Variants in HACD2 observed in about 807,000 individuals in gnomAD.
HACD2 encodes very-long-chain (3R)-3-hydroxyacyl-CoA dehydratase 2.
A neutral mutation model predicts 31.0 loss-of-function variants in HACD2; 15 were observed. That is an observed-to-expected ratio of 0.48 (90% CI 0.32 to 0.75). The LOEUF (loss-of-function observed/expected upper bound fraction) is 0.75, where lower values mean the gene tolerates loss of function less well. Ranked by LOEUF, HACD2 falls within the 30% of genes least tolerant of loss-of-function variation. The probability of loss-of-function intolerance (pLI) is 0.03; values close to 1 mark genes in which losing one functional copy is unlikely to be tolerated. For synonymous variants in HACD2, 115 were observed against 122.2 expected (o/e 0.94, Z 0.39); for missense variants, 283 against 313.0 (o/e 0.90, Z 0.72).
At chr3:123,558,753 T>C (rs2056697476) in intron 3 of HACD2, among the ~76,000 whole-genome samples, 2 of 152,208 alleles carry the variant, frequency 1.3e-5, no homozygotes, top group Admixed American at 1.3e-4. Context: ...GAAGCATAAA[T>C]CAAATTATTC....
chr3:123,560,801 G>A (rs1391273470), intron 3 of HACD2, among the ~76,000 whole-genome samples: 1 of 152,066 alleles, frequency 6.6e-6, no homozygotes, highest in East Asian at 1.9e-4. Flanking sequence ...TTACAATTTG[G>A]TAAGGTTCAT....
intron 2 of HACD2, among the ~76,000 whole-genome samples, chr3:123,576,692 T>A (rs1576244847): frequency 6.6e-6 from 1 of 152,122 alleles, no homozygotes; most frequent in Non-Finnish European, 1.5e-5. Context: ...AGGAAAAATA[T>A]AACAGACAAC....
intron 3 of HACD2, among the ~76,000 whole-genome samples, chr3:123,534,029 A>T (rs201700448): frequency 6.7e-6 from 1 of 149,858 alleles, no homozygotes; most frequent in Non-Finnish European, 1.5e-5. Flanking sequence ...AACATAGTGG[A>T]GTGTGTGTGT....
At chr3:123,567,594 CTA>C (rs1360842466) in intron 3 of HACD2, among the ~76,000 whole-genome samples, 166 bp downstream of exon 3, 1 of 152,166 alleles carries the variant, frequency 6.6e-6, no homozygotes, top group Non-Finnish European at 1.5e-5. Context: ...TAAATAGTAC[CTA>C]TGATTTCAGA....
At chr3:123,500,736 CT>C in intron 5 of HACD2, 43 bp from the exon 6 acceptor site, 4 of 1,405,364 alleles carry the variant, frequency 2.8e-6, no homozygotes, top group Non-Finnish European at 3.9e-6. Context: ...TCAAAGTCAG[CT>C]TTAGAAGGAA....
At chr3:123,538,957 A>G (rs758837497) in intron 3 of HACD2, among the ~76,000 whole-genome samples, 25 of 152,244 alleles carry the variant, frequency 1.6e-4, no homozygotes, top group Admixed American at 2.0e-4. Flanking sequence ...AGCTGATACT[A>G]AGTTGCACTG....
At chr3:123,578,339 T>C (rs1559937601) in intron 2 of HACD2, among the ~76,000 whole-genome samples, 1 of 152,200 alleles carries the variant, frequency 6.6e-6, no homozygotes, top group African/African-American at 2.4e-5. Context: ...GGCACGATCA[T>C]GGCTCACTGT....
chr3:123,551,386 A>G (rs2056618436), intron 3 of HACD2, among the ~76,000 whole-genome samples: 1 of 152,122 alleles, frequency 6.6e-6, no homozygotes, highest in African/African-American at 2.4e-5. Context: ...TGGGAGGCCA[A>G]GGTGGGTGGA....
chr3:123,501,197 A>G (rs971427038), intron 5 of HACD2, among the ~76,000 whole-genome samples: 8 of 152,248 alleles, frequency 5.3e-5, no homozygotes, highest in Non-Finnish European at 1.0e-4. Flanking sequence ...TGTACATGCT[A>G]TTGTGAAAAA....
At chr3:123,502,802 C>T in intron 4 of HACD2, 121 bp from the exon 5 acceptor site, 1 of 978,354 alleles carries the variant, frequency 1.0e-6, no homozygotes, top group Admixed American at 2.6e-5. Context: ...TCTTCAGGAC[C>T]CCTGTATGGC....
intron 6 of HACD2, chr3:123,499,661 C>T (rs1167373077): frequency 8.8e-6 from 4 of 454,686 alleles, no homozygotes; most frequent in African/African-American, 2.0e-5. Flanking sequence ...GGGAAGAATA[C>T]AGTATCTTTT....
At chr3:123,533,158 C>T (rs2056386114) in intron 3 of HACD2, among the ~76,000 whole-genome samples, 1 of 152,172 alleles carries the variant, frequency 6.6e-6, no homozygotes, top group African/African-American at 2.4e-5. Context: ...ACTAGATTCT[C>T]TCTTTGATTG....
At chr3:123,565,868 C>T (rs1291332046) in intron 3 of HACD2, among the ~76,000 whole-genome samples, 1 of 152,136 alleles carries the variant, frequency 6.6e-6, no homozygotes, top group Non-Finnish European at 1.5e-5. Flanking sequence ...TTAAAAAGGA[C>T]TAAAAAGGAA....
chr3:123,513,198 T>A (rs1446945243), intron 4 of HACD2, among the ~76,000 whole-genome samples: 8 of 152,208 alleles, frequency 5.3e-5, no homozygotes, highest in African/African-American at 1.7e-4. Flanking sequence ...CAGGAATTCA[T>A]GAGTCCAAAC....
At chr3:123,532,283 T>G (rs957604743) in intron 3 of HACD2, among the ~76,000 whole-genome samples, 10 of 152,160 alleles carry the variant, frequency 6.6e-5, no homozygotes, top group Non-Finnish European at 1.2e-4. Flanking sequence ...ATCATGTCAT[T>G]CAGACCAACT....
At chr3:123,530,328 T>C (rs1368690870) in intron 3 of HACD2, among the ~76,000 whole-genome samples, 1 of 151,924 alleles carries the variant, frequency 6.6e-6, no homozygotes, top group Admixed American at 6.6e-5. Context: ...TATCTCTCAC[T>C]GCAGCCTCAA....
chr3:123,501,987 A>AACTGTCTC (rs1372986968), intron 5 of HACD2, among the ~76,000 whole-genome samples: 2 of 152,200 alleles, frequency 1.3e-5, no homozygotes, highest in African/African-American at 4.8e-5. Context: ...AACTGCCTAC[A>AACTGTCTC]ACTGTCTCAT....
rs890358856 is a variant in HACD2 at position 123,581,535 on chromosome 3, C to A, written c.273+677G>T. Among the ~76,000 whole-genome samples the A allele has an allele frequency of 1.2e-4, 19 of 152,294 alleles. 1 individual carries two copies. Among genetic ancestry groups the A allele is most frequent in the Middle Eastern group, 3.4e-3 (1 of 294 alleles). The stretch of plus-strand genomic sequence containing the variant: ...CCCAAGACCAACATTCAAAGAGAAA[C>A]AGACAAGCAGAAATGAGAGAAAGCA... On this transcript the variant is annotated intron_variant, in intron 2 of 6. Transcript: ENST00000383657.
intron 3 of HACD2, among the ~76,000 whole-genome samples, chr3:123,552,878 A>AC (rs2107733095): frequency 6.6e-6 from 1 of 152,266 alleles, no homozygotes; most frequent in Non-Finnish European, 1.5e-5. Context: ...TAATAAAGAA[A>AC]ATTGAATAAT....
Sources: gnomAD v4.1 joint callset for allele counts (sites outside exome capture counted in the v4.1 genomes callset) on GRCh38, gnomAD v4.1.1 for gene constraint, MANE v1.5 for transcripts, NCBI Gene and HGNC (gene_info 2026-07-23, HGNC 2026-07-21) for gene names.